MAEA: variants seen among roughly 807,000 people sequenced by gnomAD.
MAEA encodes the protein E3 ubiquitin-protein transferase MAEA.
In MAEA, 22 loss-of-function variants were observed where a neutral mutation model predicts 46.2. The observed-to-expected ratio is 0.48, with a 90% CI of 0.34 to 0.68. MAEA has a LOEUF of 0.68. Ranked by LOEUF, MAEA falls within the 30% of genes least tolerant of loss-of-function variation. The pLI, the probability that MAEA is intolerant of heterozygous loss-of-function variation, is 0.01. For missense variants in MAEA, 393 were observed against 558.1 expected (o/e 0.70, Z 2.98); for synonymous variants, 246 against 222.6 (o/e 1.11, Z -0.94).
At chr4:1,315,979 G>A (rs1274349435) in intron 3 of MAEA, among the ~76,000 whole-genome samples, 7 of 142,688 alleles carry the variant, frequency 4.9e-5, no homozygotes, top group Admixed American at 3.7e-4. Context: ...TTGTGGAAAC[G>A]CACCTGGGAC....
Position 1,338,515 on chromosome 4 carries a change from C to T in MAEA, c.993C>T (p.Ala331=). ...AGCTGGCGCAGCCCCTGCCCATGGC[C>T]CACTGTGCCAACTCCCGCCTGGTCT... ...LNKLAQPLPM[A]HCANSRLVCK... Residue 331 remains alanine (A), a synonymous_variant, in exon 8 of 9, where the codon GCC becomes GCT. Coordinates refer to ENST00000303400, the MANE Select transcript of MAEA (RefSeq NM_001017405.3). 6.2e-7 allele frequency: 1 copy of T among 1,613,354 alleles called. No individual in the cohort carries two copies. The highest frequency in any genetic ancestry group is 8.5e-7 in the Non-Finnish European group (1 of 1,180,000).
chr4:1,307,260 C>T (rs1209883226), intron 1 of MAEA, among the ~76,000 whole-genome samples: 2 of 152,114 alleles, frequency 1.3e-5, no homozygotes, highest in Non-Finnish European at 2.9e-5. Flanking sequence ...CCATCTATAT[C>T]ACCATGACCC....
intron 6 of MAEA, chr4:1,335,433 C>G: frequency 1.0e-6 from 1 of 985,430 alleles, no homozygotes; most frequent in South Asian, 4.7e-5. Flanking sequence ...TCAGCACTGG[C>G]CCCACAGTGT....
intron 1 of MAEA, among the ~76,000 whole-genome samples, chr4:1,307,918 C>A (rs1735992033): frequency 6.6e-6 from 1 of 152,130 alleles, no homozygotes; most frequent in South Asian, 2.1e-4. Context: ...CCCGCACAGG[C>A]ACACCCAGAA....
intron 1 of MAEA, among the ~76,000 whole-genome samples, chr4:1,310,440 G>A (rs916441094): frequency 3.3e-5 from 5 of 152,254 alleles, no homozygotes; most frequent in Non-Finnish European, 7.3e-5. Context: ...CCCAGGCTGC[G>A]TGGCACCAGC....
chr4:1,291,725 G>C (rs898657219), intron 1 of MAEA, among the ~76,000 whole-genome samples: 3 of 152,234 alleles, frequency 2.0e-5, no homozygotes, highest in Non-Finnish European at 4.4e-5. Context: ...AAGGAACTAG[G>C]AAGGGAGATG....
chr4:1,337,413 CCT>C, intron 7 of MAEA: 1 of 248,072 alleles, frequency 4.0e-6, no homozygotes, highest in South Asian at 3.8e-5. Context: ...TGACTCTGTC[CCT>C]GCCTGTGACT....
intron 1 of MAEA, among the ~76,000 whole-genome samples, chr4:1,293,484 C>G (rs1302985109): frequency 6.6e-6 from 1 of 152,256 alleles, no homozygotes; most frequent in African/African-American, 2.4e-5. Context: ...TTTACTCCTA[C>G]TATTTCCCTT....
chr4:1,315,796 CT>C (rs1737070522), intron 3 of MAEA, among the ~76,000 whole-genome samples, 196 bp downstream of exon 3: 1 of 113,348 alleles, frequency 8.8e-6, no homozygotes, highest in Non-Finnish European at 1.9e-5. Context: ...GTGTGTCCCC[CT>C]CCCCGTGTGC....
Position 1,300,996 on chromosome 4 carries a change from G to A in MAEA, c.70-10983G>A, listed in dbSNP as rs567020930. Among the ~76,000 whole-genome samples the A allele has an allele frequency of 8.3e-4, 127 of 152,328 alleles. 1 individual carries two copies. The highest frequency in any genetic ancestry group is 1.4e-3 in the Admixed American group (22 of 15,300). On this transcript the variant is annotated intron_variant, in intron 1 of 8. Transcript: ENST00000303400. The stretch of plus-strand genomic sequence containing the variant: ...AACATGAGACTGGCCCCTCCAGGAC[G>A]GAGAGGGATGTAAACTGCCACCCAG...
intron 5 of MAEA, chr4:1,331,575 A>G (rs938229376): frequency 6.6e-6 from 1 of 152,252 alleles, no homozygotes; most frequent in African/African-American, 2.4e-5. Context: ...TCCTTGGTAC[A>G]TGCCTTGTTC....
chr4:1,316,910 C>T (rs935740482), intron 3 of MAEA, among the ~76,000 whole-genome samples: 7 of 151,138 alleles, frequency 4.6e-5, no homozygotes, highest in Non-Finnish European at 8.9e-5. Flanking sequence ...CCTTGCGGCA[C>T]TCCAGACTCA....
chr4:1,314,103 G>A (rs548283768), intron 2 of MAEA, among the ~76,000 whole-genome samples: 3 of 151,970 alleles, frequency 2.0e-5, no homozygotes, highest in Non-Finnish European at 2.9e-5. Flanking sequence ...CAAGGCAGGC[G>A]GATCACCTGA....
chr4:1,330,310 T>TTC (rs138157261), intron 5 of MAEA: 8 of 130,292 alleles, frequency 6.1e-5, no homozygotes, highest in Non-Finnish European at 9.1e-5. Context: ...TTCTGGGTGT[T>TTC]TCTCTCTCTC....
chr4:1,298,350 G>A (rs1025540223), intron 1 of MAEA, among the ~76,000 whole-genome samples: 2 of 151,902 alleles, frequency 1.3e-5, no homozygotes, highest in Non-Finnish European at 2.9e-5. Flanking sequence ...GGTTATCCAC[G>A]AAGAGGCACA....
intron 1 of MAEA, among the ~76,000 whole-genome samples, chr4:1,298,367 G>A (rs1160493872): frequency 2.0e-5 from 3 of 152,176 alleles, no homozygotes; most frequent in South Asian, 4.1e-4. Flanking sequence ...CACACGCGCC[G>A]TCTTCTGGTT....
At chr4:1,332,670 C>G in intron 5 of MAEA, 87 bp from the exon 6 acceptor site, 3 of 1,019,668 alleles carry the variant, frequency 2.9e-6, no homozygotes, top group South Asian at 1.5e-5. Context: ...TGCCACTGCA[C>G]TGCAGCCTGG....
At chr4:1,334,942 T>C in intron 6 of MAEA, 1 of 985,396 alleles carries the variant, frequency 1.0e-6, no homozygotes, top group Non-Finnish European at 1.2e-6. Flanking sequence ...GAGTTAAGTG[T>C]GGTGTTTACC....
At chr4:1,337,221 C>G in intron 7 of MAEA, 1 of 564,340 alleles carries the variant, frequency 1.8e-6, no homozygotes, top group East Asian at 3.1e-5. Context: ...CGCTTCCTCT[C>G]TCATCATCTC....
Sources: gnomAD v4.1 joint callset for allele counts (sites outside exome capture counted in the v4.1 genomes callset) on GRCh38, gnomAD v4.1.1 for gene constraint, MANE v1.5 for transcripts, NCBI Gene and HGNC (gene_info 2026-07-23, HGNC 2026-07-21) for gene names.